The following ARHGAP18 variants were observed in gnomAD, a reference collection of about 807,000 sequenced individuals.
ARHGAP18 encodes the protein Rho GTPase activating protein 18.
Under a neutral mutation model 86.2 loss-of-function variants are expected in ARHGAP18, and 67 were observed. The observed-to-expected ratio is 0.78, with a 90% confidence interval of 0.64 to 0.95. ARHGAP18 has a LOEUF of 0.95. Ranked by LOEUF, ARHGAP18 falls within the 40% of genes least tolerant of loss-of-function variation. The probability of loss-of-function intolerance (pLI) is 0.00; values close to 1 mark genes in which losing one functional copy is unlikely to be tolerated. For synonymous variants in ARHGAP18, 283 were observed against 280.4 expected (o/e 1.01, Z -0.09); for missense variants, 691 against 780.4 (o/e 0.89, Z 1.37).
At chr6:129,656,810 C>A (rs1773848163) in intron 1 of ARHGAP18, among the ~76,000 whole-genome samples, 1 of 152,194 alleles carries the variant, frequency 6.6e-6, no homozygotes, top group African/African-American at 2.4e-5. Flanking sequence ...CTAACTTAAG[C>A]CCATTTCCTC....
chr6:129,599,316 G>A lies in ARHGAP18; in HGVS notation c.1613C>T (p.Thr538Met), dbSNP rs775464255. ...TCTTTTATCCTTTTTATGATTTTCCGTGTTTTGCTTCCTCACTTGGTTTAC... is the reference window on the plus strand; with the variant it reads ...TCTTTTATCCTTTTTATGATTTTCCATGTTTTGCTTCCTCACTTGGTTTAC... ...FIVNQVRKQN[T>M]ENHKKDKRAM... The change falls in exon 12 of 15, where the codon ACG (threonine) becomes ATG (methionine). Residue 538 changes from threonine (T) to methionine (M), a missense_variant. Coordinates refer to ENST00000368149, the MANE Select transcript of ARHGAP18 (RefSeq NM_033515.3). 28 of 1,583,028 alleles carry A rather than the reference G, an allele frequency of 1.8e-5. No homozygotes were observed. Among genetic ancestry groups the A allele is most frequent in the African/African-American group, 5.5e-5 (4 of 72,702 alleles).
intron 4 of ARHGAP18, among the ~76,000 whole-genome samples, chr6:129,631,888 T>C (rs1029952641): frequency 6.6e-6 from 1 of 152,140 alleles, no homozygotes; most frequent in Non-Finnish European, 1.5e-5. Flanking sequence ...TATTATTAAA[T>C]ATTGGGCCTT....
chr6:129,698,905 C>T lies in ARHGAP18; in HGVS notation c.113+11119G>A, dbSNP rs192572190. On this transcript the variant is annotated intron_variant, in intron 1 of 14. Coordinates refer to ENST00000368149, the MANE Select transcript of ARHGAP18 (RefSeq NM_033515.3). Reference sequence around the variant, plus strand: ...ACGGGGTTTCGCCACGTTGGCCAGGCTGGTCTTGAATCACTGACCTCAGGT... The same window carrying T: ...ACGGGGTTTCGCCACGTTGGCCAGGTTGGTCTTGAATCACTGACCTCAGGT... Among the ~76,000 whole-genome samples the T allele has an allele frequency of 3.3e-5, 5 of 152,240 alleles. No homozygotes were observed. The East Asian group carries it at 9.7e-4, about 29-fold the overall frequency.
chr6:129,675,116 A>G (rs1398818959), intron 1 of ARHGAP18, among the ~76,000 whole-genome samples: 4 of 152,120 alleles, frequency 2.6e-5, no homozygotes, highest in Admixed American at 2.6e-4. Context: ...TTGCCATTCC[A>G]ATGTGTCAGT....
intron 5 of ARHGAP18, among the ~76,000 whole-genome samples, chr6:129,626,039 T>C (rs1327360817): frequency 2.7e-5 from 3 of 110,008 alleles, no homozygotes; most frequent in Non-Finnish European, 5.3e-5. Flanking sequence ...TCTATATATA[T>C]ACACACACAC....
At chr6:129,658,388 A>T (rs1773882447) in intron 1 of ARHGAP18, among the ~76,000 whole-genome samples, 1 of 150,294 alleles carries the variant, frequency 6.7e-6, no homozygotes, top group South Asian at 2.1e-4. Context: ...ATTACAAAAA[A>T]ATTAAAATAA....
chr6:129,597,951 T>C (rs185529022), intron 12 of ARHGAP18, among the ~76,000 whole-genome samples: 6 of 152,242 alleles, frequency 3.9e-5, no homozygotes, highest in African/African-American at 1.4e-4. Context: ...AAAGTAAACG[T>C]TTCAGTTTTT....
chr6:129,660,497 G>GA (rs34282960), intron 1 of ARHGAP18, among the ~76,000 whole-genome samples: 1 of 151,746 alleles, frequency 6.6e-6, no homozygotes, highest in African/African-American at 2.4e-5. Flanking sequence ...GTGAAGATAG[G>GA]AAAAAAAAGA....
intron 1 of ARHGAP18, among the ~76,000 whole-genome samples, chr6:129,694,249 C>A (rs1165000470): frequency 2.6e-5 from 4 of 152,170 alleles, no homozygotes; most frequent in Non-Finnish European, 5.9e-5. Context: ...AATAATTTTT[C>A]TGAATGGCAC....
chr6:129,686,977 T>C (rs1322323461), intron 1 of ARHGAP18, among the ~76,000 whole-genome samples: 12 of 79,610 alleles, frequency 1.5e-4, no homozygotes, highest in African/African-American at 2.9e-4. Context: ...CTTTTTTTTT[T>C]CTTTTTTTTT....
At chr6:129,703,990 G>T (rs1455906925) in intron 1 of ARHGAP18, among the ~76,000 whole-genome samples, 1 of 54,350 alleles carries the variant, frequency 1.8e-5, no homozygotes, top group Non-Finnish European at 4.5e-5. Flanking sequence ...ATATATATAT[G>T]ATCAGGTAAT....
chr6:129,581,669 A>T (rs1393386352), intron 13 of ARHGAP18, among the ~76,000 whole-genome samples: 1 of 152,202 alleles, frequency 6.6e-6, no homozygotes, highest in African/African-American at 2.4e-5. Context: ...ACAATCCTTT[A>T]CCAAAGAATG....
intron 7 of ARHGAP18, 142 bp downstream of exon 7, chr6:129,616,070 C>A: frequency 1.7e-6 from 1 of 586,384 alleles, no homozygotes; most frequent in Non-Finnish European, 2.7e-6. Flanking sequence ...CCCTTGAAAC[C>A]AATTTGCTTC....
intron 10 of ARHGAP18, among the ~76,000 whole-genome samples, chr6:129,601,190 C>A (rs75211619): frequency 0.017 from 2,606 of 152,274 alleles, 24 homozygotes; most frequent in Non-Finnish European, 0.026. Context: ...CAAACATTTG[C>A]TTATTTCAGG....
chr6:129,604,211 CCT>C (rs914947398), intron 10 of ARHGAP18, among the ~76,000 whole-genome samples: 10 of 151,192 alleles, frequency 6.6e-5, no homozygotes, highest in Non-Finnish European at 1.5e-4. Context: ...CTCCCCCCCC[CCT>C]TAATTATAAA....
In ARHGAP18 at chr6:129,641,820, A is replaced by G; in HGVS notation, c.312T>C (p.Pro104=). 1.2e-6 allele frequency: 2 copies of G among 1,612,432 alleles called. No homozygotes were observed. Among genetic ancestry groups the G allele is most frequent in the Non-Finnish European group, 1.7e-6 (2 of 1,178,964 alleles). Residue 104 remains proline, a synonymous_variant, in exon 2 of 15, where the codon CCT becomes CCC. Transcript: ENST00000368149. ...CTTTATTTAGTTAGTTATTACCATC[A>G]GGCTCTTTGACAACAACCACCTCTT... ...EDQEVVVVKE[P]DEGELEEEWL...
At chr6:129,649,982 G>A (rs1274631551) in intron 1 of ARHGAP18, among the ~76,000 whole-genome samples, 4 of 144,658 alleles carry the variant, frequency 2.8e-5, no homozygotes, top group Non-Finnish European at 4.5e-5. Context: ...GCGTGATCTC[G>A]GCTCACCACA....
At chr6:129,600,887 T>C (rs1305251186) in intron 10 of ARHGAP18, 39 bp from the exon 11 acceptor site, 1 of 1,553,324 alleles carries the variant, frequency 6.4e-7, no homozygotes, top group Admixed American at 1.8e-5. Context: ...GTGTCATATA[T>C]GAAGATAAAA....
intron 1 of ARHGAP18, among the ~76,000 whole-genome samples, chr6:129,692,814 C>T (rs1774550243): frequency 6.6e-6 from 1 of 152,162 alleles, no homozygotes; most frequent in African/African-American, 2.4e-5. Context: ...TGGAGAAGCT[C>T]CTCAAAGAGC....
Sources: gnomAD v4.1 joint callset for allele counts (sites outside exome capture counted in the v4.1 genomes callset) on GRCh38, gnomAD v4.1.1 for gene constraint, MANE v1.5 for transcripts, NCBI Gene and HGNC (gene_info 2026-07-23, HGNC 2026-07-21) for gene names.